Variants in AOPEP observed in about 807,000 individuals in gnomAD.
The protein encoded by AOPEP is aminopeptidase O.
Under a neutral mutation model 98.1 loss-of-function variants are expected in AOPEP, and 77 were observed. The observed-to-expected ratio is 0.78, with a 90% CI of 0.65 to 0.95. The LOEUF is 0.95. Ranked by LOEUF, AOPEP falls within the 40% of genes least tolerant of loss-of-function variation. The pLI, the probability that AOPEP is intolerant of heterozygous loss-of-function variation, is 0.00. For missense variants in AOPEP, 1,024 were observed against 1,024.7 expected (o/e 1.00, Z 0.01); for synonymous variants, 346 against 365.3 (o/e 0.95, Z 0.60).
chr9:94,784,416 C>T (rs1191164294), intron 3 of AOPEP, among the ~76,000 whole-genome samples: 1 of 152,026 alleles, frequency 6.6e-6, no homozygotes, highest in East Asian at 1.9e-4. Flanking sequence ...ATAAAAAGTT[C>T]TCTCTCCTCT....
chr9:95,101,654 GC>G, the AOPEP span: 1 of 1,608,684 alleles, frequency 6.2e-7, no homozygotes, highest in Admixed American at 1.7e-5. Flanking sequence ...CTGTCCTGTG[GC>G]CCTGGCGAGC....
At chr9:95,106,307 GTTGT>G in the AOPEP span, among the ~76,000 whole-genome samples, 3 of 152,130 alleles carry the variant, frequency 2.0e-5, no homozygotes, top group African/African-American at 7.2e-5. Context: ...TTTGAATTGG[GTTGT>G]TTATCTTTTT....
chr9:95,121,152 T>C, the AOPEP span, among the ~76,000 whole-genome samples: 9 of 152,228 alleles, frequency 5.9e-5, 1 homozygote, highest in South Asian at 4.1e-4. Flanking sequence ...TGGGAGATGA[T>C]TTAATCTAGC....
chr9:95,101,625 C>T, the AOPEP span: 61 of 1,566,766 alleles, frequency 3.9e-5, no homozygotes, highest in Middle Eastern at 4.5e-4. Flanking sequence ...TCCACAAATG[C>T]GTGGCCACAG....
intron 1 of AOPEP, among the ~76,000 whole-genome samples, chr9:94,739,748 T>C (rs1393217069): frequency 6.6e-6 from 1 of 152,094 alleles, no homozygotes; most frequent in African/African-American, 2.4e-5. Context: ...CAGGCGTCTC[T>C]CCTTGTTACG....
In AOPEP at chr9:94,955,990, T is replaced by A. The variant is rs989167402; in HGVS notation, c.1847T>A (p.Phe616Tyr). ...TTTTTAAGAAAATTTGTGCACACAT[T>A]TCATGGACAGCTGATTCTTTCCCAG... ...FSFLRKFVHT[F>Y]HGQLILSQDF... The change falls in exon 9 of 17, where the codon TTT (phenylalanine) becomes TAT (tyrosine). Residue 616 changes from phenylalanine to tyrosine, a missense_variant. By Grantham distance (22) the Phe-to-Tyr change is conservative. Around this residue, in one of 3 missense-constraint regions of AOPEP, gnomAD observed 566 missense variants for 551.7 expected, o/e 1.03. Transcript: ENST00000375315. 6.2e-7 allele frequency: 1 copy of A among 1,612,788 alleles called. No individual in the cohort carries two copies. Among genetic ancestry groups the A allele is most frequent in the African/African-American group, 1.3e-5 (1 of 75,016 alleles).
At chr9:95,016,151 G>A (rs1473628802) in intron 13 of AOPEP, among the ~76,000 whole-genome samples, 4 of 148,904 alleles carry the variant, frequency 2.7e-5, no homozygotes, top group African/African-American at 7.4e-5. Flanking sequence ...TTCCCCCCAC[G>A]GTAAACCTTT....
chr9:94,733,038 A>C (rs2131722048), intron 1 of AOPEP, among the ~76,000 whole-genome samples: 2 of 152,086 alleles, frequency 1.3e-5, no homozygotes, highest in African/African-American at 4.8e-5. Context: ...TTTTCTAATA[A>C]GAGAGTATTT....
downstream of AOPEP, among the ~76,000 whole-genome samples, chr9:95,087,645 C>T (rs6479598): frequency 0.7 from 106,419 of 151,916 alleles, 37,486 homozygotes; most frequent in Non-Finnish European, 0.73. Context: ...CGTGGGGCAC[C>T]CTCTTCCGAT....
Position 95,005,524 on chromosome 9 carries a change from G to A in AOPEP, c.2041-18G>A. The A allele has an allele frequency of 6.2e-7, 1 of 1,612,018 alleles. No homozygotes were observed. Among genetic ancestry groups the A allele is most frequent in the Non-Finnish European group, 8.5e-7 (1 of 1,178,226 alleles). ...ACCCTGTCGCCTTCTTTGAAATGCT[G>A]TGGTTTTTGAACCTCAGGTCACGAA... On this transcript the variant is annotated intron_variant, in intron 12 of 16. Coordinates refer to ENST00000375315, the MANE Select transcript of AOPEP (RefSeq NM_001193329.3).
At chr9:94,816,846 G>A (rs1851807234) in intron 5 of AOPEP, among the ~76,000 whole-genome samples, 1 of 152,168 alleles carries the variant, frequency 6.6e-6, no homozygotes, top group Admixed American at 6.5e-5. Flanking sequence ...GTCTAACAAA[G>A]GCAGCAGTTC....
intron 7 of AOPEP, among the ~76,000 whole-genome samples, chr9:94,944,492 C>T (rs116603812): frequency 1.2e-3 from 185 of 152,334 alleles, no homozygotes; most frequent in African/African-American, 4.2e-3. Context: ...CAAAAGGCCA[C>T]ATACTGTATC....
chr9:95,025,831 C>T (rs2063793085), intron 13 of AOPEP, among the ~76,000 whole-genome samples: 2 of 152,108 alleles, frequency 1.3e-5, no homozygotes, highest in Non-Finnish European at 2.9e-5. Flanking sequence ...GTCGTGTGTT[C>T]CTAGGGCAGT....
chr9:94,751,843 C>T (rs1835857074), intron 1 of AOPEP, among the ~76,000 whole-genome samples: 2 of 138,922 alleles, frequency 1.4e-5, no homozygotes, highest in South Asian at 2.3e-4. Flanking sequence ...GTTTGGGCTT[C>T]TATTGATCCC....
intron 3 of AOPEP, among the ~76,000 whole-genome samples, chr9:94,777,049 AT>A (rs1472187209): frequency 2.0e-5 from 3 of 149,722 alleles, no homozygotes; most frequent in East Asian, 3.9e-4. Flanking sequence ...TAATATTTTT[AT>A]TTGTAGCAGC....
chr9:94,950,574 C>T (rs1157195970), intron 7 of AOPEP, among the ~76,000 whole-genome samples: 1 of 152,246 alleles, frequency 6.6e-6, no homozygotes, highest in African/African-American at 2.4e-5. Flanking sequence ...ATTTCACTTC[C>T]TCCATTGTTG....
At chr9:94,835,779 G>A (rs1023356510) in intron 5 of AOPEP, among the ~76,000 whole-genome samples, 1 of 152,230 alleles carries the variant, frequency 6.6e-6, no homozygotes, top group African/African-American at 2.4e-5. Context: ...TGGAGGGAGT[G>A]CAGTAGGGCC....
At chr9:94,835,209 T>C (rs529595199) in intron 5 of AOPEP, among the ~76,000 whole-genome samples, 3 of 152,140 alleles carry the variant, frequency 2.0e-5, no homozygotes, top group Non-Finnish European at 4.4e-5. Context: ...GTGGGCAGAA[T>C]AGATTGGTTG....
chr9:95,089,282 T>G (rs1324688520), downstream of AOPEP, among the ~76,000 whole-genome samples: 2 of 152,148 alleles, frequency 1.3e-5, no homozygotes, highest in Non-Finnish European at 2.9e-5. Context: ...AAGTATCACA[T>G]CAGAAACTAG....
Sources: gnomAD v4.1 joint callset for allele counts (sites outside exome capture counted in the v4.1 genomes callset) on GRCh38, gnomAD v4.1.1 for gene constraint, gnomAD v4.1.1 regional missense constraint, MANE v1.5 for transcripts, NCBI Gene and HGNC (gene_info 2026-07-23, HGNC 2026-07-21) for gene names.